TCF3: variants seen among roughly 807,000 people sequenced by gnomAD.
TCF3 encodes transcription factor E2-alpha.
In TCF3, 54 loss-of-function variants were observed where a neutral mutation model predicts 72.3. The ratio of observed to expected loss-of-function variants is 0.75; its 90% CI spans 0.60 to 0.94. The LOEUF is 0.94. Among genes scored for constraint, TCF3 ranks in the 40% least tolerant of loss-of-function variants. The pLI is 0.00. For synonymous variants in TCF3, 525 were observed against 412.6 expected (o/e 1.27, Z -3.30); for missense variants, 1,078 against 934.4 (o/e 1.15, Z -2.00).
chr19:1,646,418 G>T lies in TCF3; in HGVS notation c.82C>A (p.Leu28Met). 6.5e-7 allele frequency: 1 copy of T among 1,550,262 alleles called. No homozygotes were observed. The highest frequency in any genetic ancestry group is 8.7e-7 in the Non-Finnish European group (1 of 1,146,718). ...DLLDFSMMFP[L>M]PVTNGKGRPA... is the part of the protein sequence containing the mutation. ...CGGCCCTTCCCGTTGGTGACAGGCAGCGGGAACATCTGCAGGGAGGGGAGG... is the reference window on the plus strand; with the variant it reads ...CGGCCCTTCCCGTTGGTGACAGGCATCGGGAACATCTGCAGGGAGGGGAGG... The change falls in exon 3 of 19, where the codon CTG (leucine) becomes ATG (methionine). Residue 28 changes from leucine (L) to methionine (M), a missense_variant. By Grantham distance (15) the Leu-to-Met change is conservative. Transcript: ENST00000262965.
At chr19:1,613,750 C>T (rs913919313) in intron 18 of TCF3, among the ~76,000 whole-genome samples, 8 of 152,166 alleles carry the variant, frequency 5.3e-5, no homozygotes, top group Admixed American at 1.3e-4. Flanking sequence ...AGAAATGCAC[C>T]CGTCCCCTAC....
rs940477043 is a variant in TCF3, at chr19:1,629,769, T to C, written c.298+2269A>G. Among the ~76,000 whole-genome samples the C allele has an allele frequency of 2.0e-5, 3 of 152,204 alleles. No homozygotes were observed. In the East Asian group the frequency reaches 5.8e-4, roughly 29 times the overall value. On this transcript the variant is annotated intron_variant, in intron 5 of 18. Coordinates refer to ENST00000262965, the MANE Select transcript of TCF3 (RefSeq NM_003200.5). ...GGACGCGCGATCGAGTAATGTACAT[T>C]ATTCTCAAAGCAGGAAAAAAATTTC... is the stretch of plus-strand genomic sequence containing the variant.
intron 6 of TCF3, among the ~76,000 whole-genome samples, chr19:1,626,388 T>C (rs1245325309): frequency 6.6e-6 from 1 of 151,174 alleles, no homozygotes; most frequent in African/African-American, 2.4e-5. Context: ...AGACAGAGGT[T>C]GCGGTGAGCC....
chr19:1,644,971 G>A (rs572191201), intron 3 of TCF3, among the ~76,000 whole-genome samples: 1 of 152,154 alleles, frequency 6.6e-6, no homozygotes, highest in African/African-American at 2.4e-5. Flanking sequence ...GCTGTTTCCG[G>A]GGGGCTGGCA....
intron 3 of TCF3, among the ~76,000 whole-genome samples, chr19:1,644,068 C>T (rs923282548): frequency 2.0e-5 from 3 of 152,354 alleles, no homozygotes; most frequent in African/African-American, 7.2e-5. Context: ...GGGGCTCCAT[C>T]CTGCTGATGA....
intron 13 of TCF3, 61 bp downstream of exon 13, chr19:1,620,907 C>A (rs2062114899): frequency 7.2e-7 from 1 of 1,381,846 alleles, no homozygotes; most frequent in Non-Finnish European, 9.5e-7. Context: ...AGACCTCAGC[C>A]TCCCCTCCCC....
At chr19:1,611,947 GCAGA>G (rs2061036186) in intron 18 of TCF3, 98 bp from the exon 19 acceptor site, 1 of 449,416 alleles carries the variant, frequency 2.2e-6, no homozygotes, top group Non-Finnish European at 4.0e-6. Flanking sequence ...GGGGGTGGGG[GCAGA>G]GCCCCATCAC....
intron 2 of TCF3, 140 bp from the exon 3 acceptor site, chr19:1,646,567 T>C: frequency 2.8e-6 from 2 of 714,054 alleles, no homozygotes; most frequent in Non-Finnish European, 4.7e-6. Context: ...CGGCCCGTCC[T>C]GCTCCGCCCC....
At chr19:1,638,392 T>C (rs1038623475) in intron 3 of TCF3, among the ~76,000 whole-genome samples, 1 of 152,196 alleles carries the variant, frequency 6.6e-6, no homozygotes, top group Non-Finnish European at 1.5e-5. Context: ...TGTTTGAGAC[T>C]GAGTCTGGCT....
rs753007864 is a variant in TCF3 at position 1,619,375 on chromosome 19, C to G, written c.1267G>C (p.Gly423Arg). 1 of 1,590,538 alleles carries G rather than the reference C, an allele frequency of 6.3e-7. No individual in the cohort carries two copies. Among genetic ancestry groups the G allele is most frequent in the African/African-American group, 1.3e-5 (1 of 74,798 alleles). Reference sequence around the variant, plus strand: ...CCGGTGAAACCTGAGGCCAGCGCCCCGTGGCCAGGCAGCAGCGTGTGCATG... The same window carrying G: ...CCGGTGAAACCTGAGGCCAGCGCCCGGTGGCCAGGCAGCAGCGTGTGCATG... ...GDMHTLLPGH[G>R]ALASGFTGPM... Residue 423 changes from glycine (G) to arginine (R), a missense_variant, in exon 15 of 19, where the codon GGG becomes CGG. Coordinates refer to ENST00000262965, the MANE Select transcript of TCF3 (RefSeq NM_003200.5).
At chr19:1,633,940 T>C (rs1029809910) in intron 3 of TCF3, among the ~76,000 whole-genome samples, 3 of 152,148 alleles carry the variant, frequency 2.0e-5, no homozygotes, top group Non-Finnish European at 2.9e-5. Flanking sequence ...CCTCCGGCCA[T>C]AGCCAGTACC....
intron 5 of TCF3, among the ~76,000 whole-genome samples, chr19:1,629,407 G>A (rs962082535): frequency 3.9e-5 from 6 of 152,186 alleles, no homozygotes; most frequent in African/African-American, 1.2e-4. Context: ...CCCCACCAAT[G>A]AGCACTTCCC....
In TCF3 at chr19:1,613,152, CTGA is replaced by C. The variant is rs56918352; in HGVS notation, c.1823-1306_1823-1304del. ...GTGGGCAGCAGTACGGGTCCACATGCTGATGTGTGTGTTGTCACATGCGTGAAA... is the reference window on the plus strand; with the variant it reads ...GTGGGCAGCAGTACGGGTCCACATGCTGTGTGTGTTGTCACATGCGTGAAA... On this transcript the variant is annotated intron_variant, in intron 18 of 18. Coordinates refer to ENST00000262965, the MANE Select transcript of TCF3 (RefSeq NM_003200.5). Among the ~76,000 whole-genome samples, 5,217 of 152,204 alleles carry C rather than the reference CTGA, an allele frequency of 0.034. 478 individuals carry two copies. The East Asian group carries it at 0.38, about 11-fold the overall frequency.
intron 13 of TCF3, 101 bp downstream of exon 13, chr19:1,620,867 C>CT: frequency 8.1e-7 from 1 of 1,227,194 alleles, no homozygotes; most frequent in Non-Finnish European, 1.1e-6. Flanking sequence ...GACACCAGAA[C>CT]CAGCCTCCCC....
intron 2 of TCF3, among the ~76,000 whole-genome samples, chr19:1,649,921 G>C (rs1251569473): frequency 6.6e-6 from 1 of 152,228 alleles, no homozygotes; most frequent in African/African-American, 2.4e-5. Context: ...TGCCCCTGAG[G>C]ACTCAGTTTC....
At chr19:1,612,650 T>G (rs1044044030) in intron 18 of TCF3, among the ~76,000 whole-genome samples, 10 of 142,596 alleles carry the variant, frequency 7.0e-5, no homozygotes, top group Admixed American at 7.0e-4. Flanking sequence ...ACGGCTGGTG[T>G]TGGTGTGGGC....
intron 5 of TCF3, 61 bp from the exon 6 acceptor site, chr19:1,627,487 G>C: frequency 6.6e-7 from 1 of 1,506,288 alleles, no homozygotes; most frequent in South Asian, 1.2e-5. Flanking sequence ...GAGGGCCCCC[G>C]AGTGCCTGCC....
intron 16 of TCF3, among the ~76,000 whole-genome samples, chr19:1,618,282 C>A (rs1407545027): frequency 2.0e-5 from 3 of 152,234 alleles, no homozygotes; most frequent in South Asian, 4.1e-4. Flanking sequence ...CAGGGCCCAC[C>A]CACTGCTCAC....
chr19:1,619,600 G>A lies in TCF3; in HGVS notation c.1168-126C>T, dbSNP rs577440200. On this transcript the variant is annotated intron_variant, in intron 14 of 18. Coordinates refer to ENST00000262965, the MANE Select transcript of TCF3 (RefSeq NM_003200.5). ...TCCCCTTCCCCAGGAAGCTGCATATGCCAGGCATCTGGCGCCCGGGAGCAC... is the reference window on the plus strand; with the variant it reads ...TCCCCTTCCCCAGGAAGCTGCATATACCAGGCATCTGGCGCCCGGGAGCAC... The A allele has an allele frequency of 2.3e-5, 32 of 1,395,580 alleles. No homozygotes were observed. In the Middle Eastern group the frequency reaches 7.7e-4, roughly 34 times the overall value. 86.4% of individuals were successfully genotyped at this position (1,395,580 alleles called of 1,614,324 possible).
Sources: allele counts gnomAD v4.1 joint callset (sites outside exome capture counted in the v4.1 genomes callset), GRCh38; gene constraint gnomAD v4.1.1; transcripts MANE v1.5; gene names NCBI Gene and HGNC (gene_info 2026-07-23, HGNC 2026-07-21).